Variants in KREMEN1 observed in about 807,000 individuals in gnomAD.
KREMEN1 encodes kremen protein 1.
In KREMEN1, 30 loss-of-function variants were observed where a neutral mutation model predicts 46.5. That is an observed-to-expected ratio of 0.65 (90% CI 0.48 to 0.88). The LOEUF is 0.88. Ranked by LOEUF, KREMEN1 falls within the 40% of genes least tolerant of loss-of-function variation. The pLI is 0.00. For synonymous variants in KREMEN1, 214 were observed against 230.6 expected, an observed-to-expected ratio of 0.93 and a Z score of 0.65; for missense variants, 533 against 596.9, an observed-to-expected ratio of 0.89 and a Z score of 1.11.
rs1028819050 is a variant in KREMEN1, at chr22:29,145,984, A to T, written c.*3872A>T. On this transcript the variant is annotated 3_prime_UTR_variant, in exon 9 of 9. Transcript: ENST00000400335. ...CTGCAGCCCAGCCAGGCCATCACCC[A>T]GCCCCGATGCATCCTGGCACTGCAC... 2.2e-5 allele frequency: 22 copies of T among 985,572 alleles called. No individual in the cohort carries two copies. The highest frequency in any genetic ancestry group is 5.2e-4 in the Middle Eastern group (1 of 1,936). 61.1% of individuals were successfully genotyped at this position (985,572 alleles called of 1,614,324 possible).
At chr22:29,153,618 C>T (rs1007674861) in intron 9 of KREMEN1, among the ~76,000 whole-genome samples, 8 of 152,078 alleles carry the variant, frequency 5.3e-5, no homozygotes, top group Middle Eastern at 3.2e-3. Context: ...CTTGGCCTCC[C>T]GAAGTGCTGA....
chr22:29,087,726 C>A (rs892236634), intron 1 of KREMEN1, among the ~76,000 whole-genome samples: 7 of 152,226 alleles, frequency 4.6e-5, no homozygotes, highest in Middle Eastern at 3.4e-3. Flanking sequence ...CCAACATGCT[C>A]GGCTAATTTT....
chr22:29,144,818 C>G lies in KREMEN1; in HGVS notation c.*2706C>G. ...CACCTTGCCCTCCTCACATCTCAGT[C>G]AGGGGAGGCCATGCCCAAGCCAATG... On this transcript the variant is annotated 3_prime_UTR_variant, in exon 9 of 9. Coordinates refer to ENST00000400335, the MANE Select transcript of KREMEN1 (RefSeq NM_001039570.3). 1 of 985,564 alleles carries G rather than the reference C, an allele frequency of 1.0e-6. No homozygotes were observed. The highest frequency in any genetic ancestry group is 1.2e-6 in the Non-Finnish European group (1 of 830,026). The allele number at this position is 985,564 out of a possible 1,614,324, so 61.1% of individuals were successfully genotyped here. A position where few individuals can be genotyped will look rare whatever the true frequency, so the allele number is the denominator to read the frequency against.
At position 29,117,057 on chromosome 22, in the gene KREMEN1, G is replaced by A. The variant is rs75951203; in HGVS notation, c.353-4300G>A. On this transcript the variant is annotated intron_variant, in intron 3 of 8. Transcript: ENST00000400335. ...GAAAGGTAACCACTTGGCTTAGAGG[G>A]GGAAGGGTGAGTCTTTGGGTTAACA... 4.6e-5 allele frequency among the ~76,000 whole-genome samples: 7 copies of A among 152,318 alleles called. No homozygotes were observed. In the East Asian group the frequency reaches 1.3e-3, roughly 29 times the overall value.
downstream of KREMEN1, among the ~76,000 whole-genome samples, chr22:29,149,453 G>A (rs886413272): frequency 8.5e-5 from 13 of 152,132 alleles, no homozygotes; most frequent in African/African-American, 1.4e-4. Context: ...GAGCCACCGC[G>A]TCCGACCCAT....
chr22:29,075,781 T>C (rs972537663), intron 1 of KREMEN1, among the ~76,000 whole-genome samples: 1 of 152,234 alleles, frequency 6.6e-6, no homozygotes, highest in East Asian at 1.9e-4. Flanking sequence ...TATTTTTTGA[T>C]ACTGTAATTT....
At chr22:29,138,275 A>G (rs916762806) in intron 6 of KREMEN1, among the ~76,000 whole-genome samples, 1 of 152,260 alleles carries the variant, frequency 6.6e-6, no homozygotes, top group African/African-American at 2.4e-5. Flanking sequence ...TCCAGGTGGG[A>G]CAGTCTTGAG....
intron 1 of KREMEN1, among the ~76,000 whole-genome samples, chr22:29,091,255 G>C (rs960399805): frequency 5.3e-5 from 8 of 152,296 alleles, no homozygotes; most frequent in Admixed American, 2.0e-4. Context: ...TTACAGGCTT[G>C]AGCCACTGTG....
Position 29,145,109 on chromosome 22 carries a change from A to C in KREMEN1, c.*2997A>C, listed in dbSNP as rs1042674958. 1.8e-5 allele frequency: 18 copies of C among 985,804 alleles called. No individual in the cohort carries two copies. The African/African-American group carries it at 3.0e-4, about 16-fold the overall frequency. The allele number at this position is 985,804 out of a possible 1,614,324, so 61.1% of individuals were successfully genotyped here. A position where few individuals can be genotyped will look rare whatever the true frequency, so the allele number is the denominator to read the frequency against. On this transcript the variant is annotated 3_prime_UTR_variant, in exon 9 of 9. Coordinates refer to ENST00000400335, the MANE Select transcript of KREMEN1 (RefSeq NM_001039570.3). ...TATGGACTCAGTTAGAACCAGGTAG[A>C]AAGTCAGCGACACCCCACAGAAGGC...
chr22:29,079,084 T>C (rs1413821789), intron 1 of KREMEN1, among the ~76,000 whole-genome samples: 1 of 152,204 alleles, frequency 6.6e-6, no homozygotes, highest in Non-Finnish European at 1.5e-5. Context: ...CCTCACCTTC[T>C]GAGACTTTGT....
intron 1 of KREMEN1, among the ~76,000 whole-genome samples, chr22:29,077,005 T>C (rs1405263411): frequency 2.6e-5 from 4 of 152,238 alleles, no homozygotes; most frequent in Admixed American, 6.5e-5. Flanking sequence ...GATAAACTCA[T>C]GGTTTAGCAT....
Position 29,081,424 on chromosome 22 carries a change from A to G in KREMEN1, c.97+8197A>G, listed in dbSNP as rs560433176. Among the ~76,000 whole-genome samples the G allele has an allele frequency of 9.2e-5, 14 of 152,302 alleles. No homozygotes were observed. In the South Asian group the frequency reaches 2.9e-3, roughly 32 times the overall value. ...TTTTTAATTAAAGTCTGTTTCATGCAATGTTTAGGAATACTTGTCTTAAAA... is the reference window on the plus strand; with the variant it reads ...TTTTTAATTAAAGTCTGTTTCATGCGATGTTTAGGAATACTTGTCTTAAAA... On this transcript the variant is annotated intron_variant, in intron 1 of 8. Transcript: ENST00000400335.
chr22:29,128,562 A>C (rs1419200985), intron 5 of KREMEN1, among the ~76,000 whole-genome samples: 1 of 152,218 alleles, frequency 6.6e-6, no homozygotes, highest in African/African-American at 2.4e-5. Flanking sequence ...CTATGGAAAT[A>C]GTCTCTAAAG....
chr22:29,112,054 T>C (rs2038161959), intron 3 of KREMEN1, among the ~76,000 whole-genome samples: 1 of 152,290 alleles, frequency 6.6e-6, no homozygotes, highest in African/African-American at 2.4e-5. Flanking sequence ...TCACTATCTG[T>C]CTCTGTGGCC....
intron 5 of KREMEN1, chr22:29,134,143 GT>G (rs1163428787): frequency 6.7e-6 from 1 of 149,582 alleles, no homozygotes; most frequent in Non-Finnish European, 1.5e-5. Flanking sequence ...CTCCAATATT[GT>G]TTGATTTCCA....
rs963746323 is a variant in KREMEN1, at chr22:29,073,186, CG to C, written c.58del (p.Ala20ProfsTer52). ...ALLSAAALTL[A>X]ARPAPSPGLG... ...CTCTCCGCCGCGGCGCTCACGCTGG[CG>C]GCCCGGCCCGCGCCTAGCCCCGGCC... is the stretch of plus-strand genomic sequence containing the variant. On this transcript the variant is annotated frameshift_variant, in exon 1 of 9. Coordinates refer to ENST00000400335, the MANE Select transcript of KREMEN1 (RefSeq NM_001039570.3). LOFTEE classifies it high-confidence loss of function. This position sits in a 1 kb window ranked among gnomAD's most constrained non-coding sequence, Gnocchi z 4.4. The C allele has an allele frequency of 1.7e-6, 2 of 1,186,454 alleles. No homozygotes were observed. Among genetic ancestry groups the C allele is most frequent in the Non-Finnish European group, 2.1e-6 (2 of 960,872 alleles). 73.5% of individuals were successfully genotyped at this position (1,186,454 alleles called of 1,614,324 possible).
chr22:29,137,067 G>A (rs1195826752), intron 5 of KREMEN1, among the ~76,000 whole-genome samples: 5 of 152,194 alleles, frequency 3.3e-5, no homozygotes, highest in African/African-American at 1.2e-4. Context: ...GGCCCTGCCA[G>A]TCCCAAGTCC....
In KREMEN1 at chr22:29,146,782, T is replaced by G. The variant is rs994297906; in HGVS notation, c.*4670T>G. The G allele has an allele frequency of 1.0e-6, 1 of 968,970 alleles. No homozygotes were observed. The highest frequency in any genetic ancestry group is 1.2e-6 in the Non-Finnish European group (1 of 814,668). The allele number at this position is 968,970 out of a possible 1,614,324, so 60.0% of individuals were successfully genotyped here. On this transcript the variant is annotated 3_prime_UTR_variant, in exon 9 of 9. Coordinates refer to ENST00000400335, the MANE Select transcript of KREMEN1 (RefSeq NM_001039570.3). The stretch of plus-strand genomic sequence containing the variant: ...AAACGAGAAAAAATGTTATTTTTAC[T>G]TTCTGGAAAAAATAAATATTCTCAT...
At chr22:29,140,455 T>C in intron 8 of KREMEN1, 89 bp downstream of exon 8, 1 of 975,386 alleles carries the variant, frequency 1.0e-6, no homozygotes, top group South Asian at 1.3e-5. Context: ...GTTACAACTG[T>C]AGAATAAGCA....
Sources: gnomAD v4.1 joint callset for allele counts (sites outside exome capture counted in the v4.1 genomes callset) on GRCh38, gnomAD v4.1.1 for gene constraint, Gnocchi (gnomAD v3.1) non-coding constraint, MANE v1.5 for transcripts, NCBI Gene and HGNC (gene_info 2026-07-23, HGNC 2026-07-21) for gene names.